Variants in KIAA0319L observed in about 807,000 individuals in gnomAD.
The protein encoded by KIAA0319L is dyslexia-associated protein KIAA0319-like protein.
A neutral mutation model predicts 120.1 loss-of-function variants in KIAA0319L; 55 were observed. The observed-to-expected ratio is 0.46, with a 90% CI of 0.37 to 0.57. The LOEUF (loss-of-function observed/expected upper bound fraction) is 0.57. Among genes scored for constraint, KIAA0319L ranks in the 20% least tolerant of loss-of-function variants. KIAA0319L has a pLI of 0.00. For synonymous variants in KIAA0319L, 398 were observed against 471.9 expected (o/e 0.84, Z 2.03); for missense variants, 1,049 against 1,255.3 (o/e 0.84, Z 2.48).
At chr1:35,456,598 G>A (rs527946587) in intron 9 of KIAA0319L, among the ~76,000 whole-genome samples, 1 of 152,208 alleles carries the variant, frequency 6.6e-6, no homozygotes, top group South Asian at 2.1e-4. Context: ...GATCACCTGA[G>A]GTTGGAAGTT....
At chr1:35,494,224 G>C (rs1483546083) in intron 3 of KIAA0319L, among the ~76,000 whole-genome samples, 1 of 152,028 alleles carries the variant, frequency 6.6e-6, no homozygotes, top group Non-Finnish European at 1.5e-5. Flanking sequence ...CGAGAAAGGT[G>C]GATCACGAGG....
chr1:35,462,074 C>A (rs1642935392), intron 8 of KIAA0319L, among the ~76,000 whole-genome samples: 1 of 152,266 alleles, frequency 6.6e-6, no homozygotes, highest in East Asian at 1.9e-4. Context: ...CAATTAAGGG[C>A]AAAGACCCAA....
At chr1:35,477,395 C>A (rs369389227) in intron 4 of KIAA0319L, among the ~76,000 whole-genome samples, 1 of 152,130 alleles carries the variant, frequency 6.6e-6, no homozygotes. Context: ...TGGCCGGGCG[C>A]GGTGGCTCAC....
chr1:35,518,810 C>T (rs986613431), intron 2 of KIAA0319L, among the ~76,000 whole-genome samples: 1 of 151,976 alleles, frequency 6.6e-6, no homozygotes, highest in African/African-American at 2.4e-5. Context: ...TTGAGACCAG[C>T]CTAGCCAACA....
intron 2 of KIAA0319L, among the ~76,000 whole-genome samples, chr1:35,509,564 C>G (rs565459469): frequency 5.5e-4 from 84 of 152,282 alleles, no homozygotes; most frequent in African/African-American, 1.9e-3. Flanking sequence ...CCACTAGAAG[C>G]TAGGGGGAGG....
At chr1:35,489,388 A>G (rs936012510) in intron 3 of KIAA0319L, among the ~76,000 whole-genome samples, 4 of 152,148 alleles carry the variant, frequency 2.6e-5, no homozygotes, top group Admixed American at 2.0e-4. Flanking sequence ...GAAATGAAAA[A>G]CAAGTAAGAT....
Position 35,557,193 on chromosome 1 carries a change from C to T in KIAA0319L, c.-29+14G>A, listed in dbSNP as rs1456540953. ...GGTCCTCGGCCTGGCAGCCAGCCGCCCCCGGCCACCTACCGGGGCTCAGGG... is the reference window on the plus strand; with the variant it reads ...GGTCCTCGGCCTGGCAGCCAGCCGCTCCCGGCCACCTACCGGGGCTCAGGG... On this transcript the variant is annotated intron_variant, in intron 1 of 20. Coordinates refer to ENST00000325722, the MANE Select transcript of KIAA0319L (RefSeq NM_024874.5). 1 of 170,996 alleles carries T rather than the reference C, an allele frequency of 5.8e-6. No individual in the cohort carries two copies. The highest frequency in any genetic ancestry group is 1.3e-5 in the Non-Finnish European group (1 of 78,334). 10.6% of individuals were successfully genotyped at this position (170,996 alleles called of 1,614,324 possible). A position where few individuals can be genotyped will look rare whatever the true frequency, so the allele number is the denominator to read the frequency against.
rs1641280911 is a variant in KIAA0319L, at chr1:35,442,250, T to C, written c.2866A>G (p.Lys956Glu). The C allele has an allele frequency of 6.2e-7, 1 of 1,610,306 alleles. No individual in the cohort carries two copies. Among genetic ancestry groups the C allele is most frequent in the East Asian group, 2.2e-5 (1 of 44,848 alleles). The change falls in exon 19 of 21, where the codon AAG (lysine) becomes GAG (glutamate). Residue 956 changes from lysine (K) to glutamate (E), a missense_variant. Lys to Glu is a moderately conservative substitution (Grantham distance 56, BLOSUM62 1). Coordinates refer to ENST00000325722, the MANE Select transcript of KIAA0319L (RefSeq NM_024874.5). ...TCAAAGGAAAATCCATCTTACCTCT[T>C]ACAACAACAGATCACAGTCCAAGAC... ...ILSWTVICCC[K>E]RQKGKPKRKS...
chr1:35,496,945 TCC>T (rs1380800401), intron 3 of KIAA0319L, among the ~76,000 whole-genome samples: 2 of 87,974 alleles, frequency 2.3e-5, no homozygotes, highest in African/African-American at 4.9e-5. Flanking sequence ...AGATTGTGTC[TCC>T]AAAAAAAAAA....
Position 35,537,448 on chromosome 1 carries a change from G to A in KIAA0319L, c.142+16902C>T, listed in dbSNP as rs575694768. Among the ~76,000 whole-genome samples the A allele has an allele frequency of 1.2e-4, 18 of 145,348 alleles. No homozygotes were observed. In the South Asian group the frequency reaches 3.7e-3, roughly 30 times the overall value. ...TAAAGAGAAGGTCATTTAGAGGGCC[G>A]CAGCAGAAATATGTAAATTAAACAG... On this transcript the variant is annotated intron_variant, in intron 2 of 20. Transcript: ENST00000325722.
At chr1:35,467,367 AC>A (rs1643337830) in intron 6 of KIAA0319L, among the ~76,000 whole-genome samples, 1 of 151,974 alleles carries the variant, frequency 6.6e-6, no homozygotes, top group Admixed American at 6.6e-5. Context: ...TAAAAAAAAA[AC>A]AAAAAAGTAC....
At chr1:35,470,680 T>C (rs1558382851) in intron 6 of KIAA0319L, among the ~76,000 whole-genome samples, 183 bp downstream of exon 6, 2 of 152,216 alleles carry the variant, frequency 1.3e-5, no homozygotes, top group South Asian at 2.1e-4. Flanking sequence ...CTTCTTACCA[T>C]AAATGAAATT....
chr1:35,446,607 A>T (rs895250817), intron 16 of KIAA0319L, among the ~76,000 whole-genome samples: 1 of 152,188 alleles, frequency 6.6e-6, no homozygotes, highest in Non-Finnish European at 1.5e-5. Context: ...TCCCTGTAGC[A>T]TCTGAATCCT....
intron 6 of KIAA0319L, 64 bp from the exon 7 acceptor site, chr1:35,466,759 A>G: frequency 1.7e-6 from 2 of 1,148,294 alleles, no homozygotes; most frequent in Admixed American, 3.5e-5. Context: ...TTAAAATAAG[A>G]TATATCTGAA....
intron 3 of KIAA0319L, among the ~76,000 whole-genome samples, chr1:35,494,954 T>C (rs1354893537): frequency 1.3e-5 from 2 of 152,076 alleles, no homozygotes; most frequent in African/African-American, 4.8e-5. Flanking sequence ...GGCAATTCAG[T>C]GTAGAAAGGA....
At chr1:35,556,512 C>G (rs569866578) in intron 1 of KIAA0319L, 1 of 152,190 alleles carries the variant, frequency 6.6e-6, no homozygotes, top group Admixed American at 6.5e-5. Context: ...TTCCAAATAG[C>G]TGGAAAAATG....
chr1:35,484,165 A>T (rs1020570630), intron 3 of KIAA0319L, among the ~76,000 whole-genome samples: 1 of 152,166 alleles, frequency 6.6e-6, no homozygotes, highest in Non-Finnish European at 1.5e-5. Flanking sequence ...GGAGGACATC[A>T]TTACTTATTT....
Position 35,448,259 on chromosome 1 carries a change from C to T in KIAA0319L, c.2427G>A (p.Gly809=), listed in dbSNP as rs1192720591. ...NVSQLTERLK[G]MFIRQIGVLL... is the part of the protein sequence containing the mutation. ...GGACCCCAATCTGGCGGATGAACATCCCCTTCAGCCTCTCAGTTAGCTGAC... is the reference window on the plus strand; with the variant it reads ...GGACCCCAATCTGGCGGATGAACATTCCCTTCAGCCTCTCAGTTAGCTGAC... Residue 809 remains glycine (G), a synonymous_variant, in exon 16 of 21, where the codon GGG becomes GGA. Transcript: ENST00000325722. 1 of 1,614,074 alleles carries T rather than the reference C, an allele frequency of 6.2e-7. No homozygotes were observed. Among genetic ancestry groups the T allele is most frequent in the Non-Finnish European group, 8.5e-7 (1 of 1,179,972 alleles).
intron 3 of KIAA0319L, among the ~76,000 whole-genome samples, chr1:35,481,608 CCCT>C (rs1375149872): frequency 6.6e-6 from 1 of 151,914 alleles, no homozygotes; most frequent in Non-Finnish European, 1.5e-5. Context: ...TTTTTACCCC[CCCT>C]TTTTAAAGCT....
Sources: gnomAD v4.1 joint callset for allele counts (sites outside exome capture counted in the v4.1 genomes callset) on GRCh38, gnomAD v4.1.1 for gene constraint, MANE v1.5 for transcripts, NCBI Gene and HGNC (gene_info 2026-07-23, HGNC 2026-07-21) for gene names.